DAB1: variants seen among roughly 807,000 people sequenced by gnomAD.
The protein encoded by DAB1 is disabled homolog 1.
DAB1 carries 15 observed loss-of-function variants against 64.6 expected under a neutral mutation model. The observed-to-expected ratio is 0.23, with a 90% CI of 0.16 to 0.36. DAB1 has a LOEUF of 0.36. Ranked by LOEUF, DAB1 falls within the 10% of genes least tolerant of loss-of-function variation. The pLI is 1.00. For missense variants in DAB1, 596 were observed against 706.7 expected, an observed-to-expected ratio of 0.84 and a Z score of 1.78; for synonymous variants, 235 against 251.9, an observed-to-expected ratio of 0.93 and a Z score of 0.64.
At chr1:58,202,290 T>G (rs1355751915) in intron 4 of DAB1, among the ~76,000 whole-genome samples, 6 of 152,260 alleles carry the variant, frequency 3.9e-5, no homozygotes, top group African/African-American at 1.4e-4. Context: ...TTGTCCCTTC[T>G]TAAATTATTT....
chr1:58,155,515 C>G (rs1655175610), intron 4 of DAB1, among the ~76,000 whole-genome samples: 1 of 152,178 alleles, frequency 6.6e-6, no homozygotes, highest in Non-Finnish European at 1.5e-5. Flanking sequence ...CTGGCCCCAT[C>G]CAGCCTTGGA....
intron 5 of DAB1, among the ~76,000 whole-genome samples, chr1:58,097,479 G>A (rs1336495021): frequency 6.6e-6 from 1 of 152,146 alleles, no homozygotes; most frequent in African/African-American, 2.4e-5. Context: ...CAGGTACTGG[G>A]TGACCTGATC....
At position 57,355,230 on chromosome 1, in the gene DAB1, C is replaced by T. The variant is rs115598868; in HGVS notation, c.-136-64064G>A. On this transcript the variant is annotated intron_variant, in intron 1 of 14. Coordinates refer to ENST00000371236, the MANE Select transcript of DAB1 (RefSeq NM_001365792.1). ...CATTCCTTTCTCCCTTCTTTTTCTT[C>T]CTAATTTCCTTCCTTCTTTATTAAA... is the stretch of plus-strand genomic sequence containing the variant. Among the ~76,000 whole-genome samples, 826 of 151,762 alleles carry T rather than the reference C, an allele frequency of 5.4e-3. 4 individuals carry two copies. The highest frequency in any genetic ancestry group is 0.019 in the African/African-American group (787 of 41,380).
intron 3 of DAB1, among the ~76,000 whole-genome samples, chr1:58,474,174 T>G (rs1373207961): frequency 6.6e-6 from 1 of 152,128 alleles, no homozygotes; most frequent in Non-Finnish European, 1.5e-5. Context: ...ATAGCCAGCT[T>G]GCAGCACAAT....
intron 1 of DAB1, among the ~76,000 whole-genome samples, chr1:57,301,993 C>T (rs2100701487): frequency 6.6e-6 from 1 of 152,316 alleles, no homozygotes; most frequent in Non-Finnish European, 1.5e-5. Context: ...TCTCGCTCTC[C>T]TCAAACATCA....
intron 5 of DAB1, chr1:58,056,001 G>C: frequency 1.4e-6 from 1 of 692,462 alleles, no homozygotes; most frequent in Non-Finnish European, 2.5e-6. Flanking sequence ...GCCTCACACA[G>C]TGCTAAAATT....
chr1:58,381,298 TTAAAA>T (rs1042523963), intron 3 of DAB1, among the ~76,000 whole-genome samples: 4 of 151,912 alleles, frequency 2.6e-5, no homozygotes, highest in African/African-American at 7.3e-5. Context: ...ATCCCCGAAC[TTAAAA>T]TAAAAGTTGA....
At chr1:57,198,639 C>T (rs1202092388) in intron 2 of DAB1, among the ~76,000 whole-genome samples, 1 of 65,302 alleles carries the variant, frequency 1.5e-5, no homozygotes, top group Non-Finnish European at 2.9e-5. Flanking sequence ...CTCCCTGCAT[C>T]TTCTCTCTCT....
intron 1 of DAB1, chr1:58,536,826 G>A (rs749135893): frequency 3.3e-5 from 24 of 727,614 alleles, no homozygotes; most frequent in Non-Finnish European, 5.1e-5. Context: ...AGAATTTTAC[G>A]TCCTCAAATA....
chr1:57,905,662 T>A (rs1644539485), intron 5 of DAB1, among the ~76,000 whole-genome samples: 1 of 152,132 alleles, frequency 6.6e-6, no homozygotes, highest in African/African-American at 2.4e-5. Context: ...GGCACCAGCA[T>A]GTGTAGGGTA....
chr1:57,588,411 A>G (rs1645405126), intron 7 of DAB1, among the ~76,000 whole-genome samples: 1 of 152,254 alleles, frequency 6.6e-6, no homozygotes, highest in African/African-American at 2.4e-5. Context: ...CTAAATTCTT[A>G]GGACATCCAC....
chr1:58,089,024 C>A (rs1024046793), intron 5 of DAB1, among the ~76,000 whole-genome samples: 1 of 152,246 alleles, frequency 6.6e-6, no homozygotes, highest in Admixed American at 6.5e-5. Context: ...TTATAAGCCA[C>A]AACGCAGCAA....
At chr1:57,833,889 C>G (rs1440154687) in intron 1 of DAB1, among the ~76,000 whole-genome samples, 1 of 152,102 alleles carries the variant, frequency 6.6e-6, no homozygotes, top group African/African-American at 2.4e-5. Flanking sequence ...GGCCATAAAG[C>G]CCTCAGGAAC....
intron 5 of DAB1, among the ~76,000 whole-genome samples, chr1:57,902,178 A>C (rs896280762): frequency 3.3e-5 from 5 of 151,662 alleles, no homozygotes; most frequent in Admixed American, 3.3e-4. Context: ...AAAAAGAAAG[A>C]AACTATTGAA....
At chr1:58,303,267 C>A (rs778487975) in intron 4 of DAB1, among the ~76,000 whole-genome samples, 2 of 152,136 alleles carry the variant, frequency 1.3e-5, no homozygotes, top group South Asian at 2.1e-4. Context: ...CTCAGCCCAG[C>A]CATAGAGCTG....
chr1:57,695,360 A>G (rs1411336766), intron 6 of DAB1, among the ~76,000 whole-genome samples: 26 of 25,150 alleles, frequency 1.0e-3, no homozygotes, highest in African/African-American at 2.7e-3. Context: ...AAGAAAAGAA[A>G]GAAGAAAGAA....
intron 7 of DAB1, among the ~76,000 whole-genome samples, chr1:57,594,979 G>C (rs1645489952): frequency 6.6e-6 from 1 of 152,052 alleles, no homozygotes; most frequent in Non-Finnish European, 1.5e-5. Context: ...CAAAGTGCTG[G>C]GATTACAGGC....
At position 57,788,885 on chromosome 1, in the gene DAB1, G is replaced by T. The variant is rs577562218; in HGVS notation, n.551+95114C>A. ...GAGATAAAAGGGTTCATATCTAAGAGCTGCCACCAAAAATTGAGGTCAGAC... is the reference window on the plus strand; with the variant it reads ...GAGATAAAAGGGTTCATATCTAAGATCTGCCACCAAAAATTGAGGTCAGAC... On this transcript the variant is annotated intron_variant and non_coding_transcript_variant, in intron 6 of 20. Transcript: ENST00000485760. 5.3e-5 allele frequency among the ~76,000 whole-genome samples: 8 copies of T among 152,242 alleles called. No homozygotes were observed. In the South Asian group the frequency reaches 1.7e-3, roughly 32 times the overall value.
At chr1:57,010,818 T>A in intron 13 of DAB1, 28 bp from the exon 14 acceptor site, 1 of 1,473,988 alleles carries the variant, frequency 6.8e-7, no homozygotes, top group Non-Finnish European at 9.2e-7. Flanking sequence ...AATACTTTTT[T>A]TTTTCTCTCT....
Sources: allele counts gnomAD v4.1 joint callset (sites outside exome capture counted in the v4.1 genomes callset), GRCh38; gene constraint gnomAD v4.1.1; transcripts MANE v1.5; gene names NCBI Gene and HGNC (gene_info 2026-07-23, HGNC 2026-07-21).